Variants in MTHFS observed in about 807,000 individuals in gnomAD.
MTHFS encodes methenyltetrahydrofolate synthetase, also known as 5-formyltetrahydrofolate cyclo-ligase.
A neutral mutation model predicts 12.7 loss-of-function variants in MTHFS; 7 were observed. The ratio of observed to expected loss-of-function variants is 0.55; its 90% CI spans 0.31 to 1.03. MTHFS has a LOEUF of 1.03. MTHFS is among the 50% of genes least tolerant of loss of function. The probability of loss-of-function intolerance (pLI) is 0.05; values close to 1 mark genes in which losing one functional copy is unlikely to be tolerated. For synonymous variants in MTHFS, 100 were observed against 97.1 expected, an observed-to-expected ratio of 1.03 and a Z score of -0.18; for missense variants, 252 against 258.1, an observed-to-expected ratio of 0.98 and a Z score of 0.16.
At chr15:79,883,638 C>T (rs566064559) in intron 2 of MTHFS, among the ~76,000 whole-genome samples, 13 of 152,296 alleles carry the variant, frequency 8.5e-5, no homozygotes, top group Non-Finnish European at 1.3e-4. Context: ...TTAATAACTG[C>T]CATGTATTGA....
chr15:79,877,313 T>G (rs2034215685), intron 2 of MTHFS: 1 of 152,046 alleles, frequency 6.6e-6, no homozygotes, highest in Admixed American at 6.6e-5. Flanking sequence ...AAATTTTTTT[T>G]GAAAAATAAT....
chr15:79,855,684 G>A (rs2033788065), intron 2 of MTHFS, among the ~76,000 whole-genome samples: 2 of 151,936 alleles, frequency 1.3e-5, no homozygotes, highest in African/African-American at 4.8e-5. Context: ...CCATCCTCAA[G>A]GAGGCCTCAG....
intron 1 of MTHFS, among the ~76,000 whole-genome samples, chr15:79,895,172 G>A (rs1400398637): frequency 2.0e-5 from 3 of 152,110 alleles, no homozygotes; most frequent in South Asian, 2.1e-4. Context: ...AAACAATGGC[G>A]CCAGATTCAG....
At chr15:79,879,812 A>C (rs2034266125) in intron 2 of MTHFS, among the ~76,000 whole-genome samples, 1 of 152,192 alleles carries the variant, frequency 6.6e-6, no homozygotes. Flanking sequence ...ATATATACAC[A>C]CAAAACTCTG....
intron 2 of MTHFS, among the ~76,000 whole-genome samples, chr15:79,860,136 T>A (rs2033884820): frequency 6.6e-6 from 1 of 151,910 alleles, no homozygotes; most frequent in South Asian, 2.1e-4. Flanking sequence ...ACGCCTGTAA[T>A]CCTAGCACTT....
chr15:79,889,187 T>C lies in MTHFS; in HGVS notation c.285A>G (p.Ile95Met). ...FQSNHMDMVRIESPEEISLLP... is the reference protein window; with the variant it reads ...FQSNHMDMVRMESPEEISLLP... Reference sequence around the variant, plus strand: ...GTAAAGAAATTTCCTCTGGTGATTCTATTCTCACCATATCCATGTGATTGC... The same window carrying C: ...GTAAAGAAATTTCCTCTGGTGATTCCATTCTCACCATATCCATGTGATTGC... The change falls in exon 2 of 3, where the codon ATA becomes ATG. Residue 95 changes from isoleucine to methionine, a missense_variant. Ile to Met is a conservative substitution (Grantham distance 10). Transcript: ENST00000258874. The C allele has an allele frequency of 6.2e-7, 1 of 1,614,210 alleles. No individual in the cohort carries two copies.
intron 2 of MTHFS, among the ~76,000 whole-genome samples, chr15:79,863,696 C>G (rs1046411403): frequency 6.6e-6 from 1 of 152,190 alleles, no homozygotes; most frequent in African/African-American, 2.4e-5. Flanking sequence ...TCTCCCAACA[C>G]CCTCTCTTTC....
At chr15:79,895,260 C>A (rs895865400) in intron 1 of MTHFS, among the ~76,000 whole-genome samples, 2 of 152,188 alleles carry the variant, frequency 1.3e-5, no homozygotes, top group Non-Finnish European at 2.9e-5. Context: ...ACTCACACTC[C>A]CCTATCCCAT....
chr15:79,889,847 C>T (rs76354551), intron 1 of MTHFS, among the ~76,000 whole-genome samples: 1 of 152,098 alleles, frequency 6.6e-6, no homozygotes, highest in Non-Finnish European at 1.5e-5. Context: ...TAACTTCTGC[C>T]GAACCCTTAC....
intron 2 of MTHFS, among the ~76,000 whole-genome samples, chr15:79,852,280 A>G (rs1320926034): frequency 1.3e-5 from 2 of 152,236 alleles, no homozygotes; most frequent in African/African-American, 4.8e-5. Flanking sequence ...CACTCTTCAT[A>G]TAAAACAGTA....
intron 2 of MTHFS, among the ~76,000 whole-genome samples, chr15:79,873,351 C>T (rs993639944): frequency 6.6e-6 from 1 of 152,166 alleles, no homozygotes; most frequent in Non-Finnish European, 1.5e-5. Context: ...ACCCATGCCT[C>T]TGCAGGGTAT....
chr15:79,884,167 A>G (rs1346869008), intron 2 of MTHFS, among the ~76,000 whole-genome samples: 2 of 152,242 alleles, frequency 1.3e-5, no homozygotes, highest in Admixed American at 1.3e-4. Context: ...TTCCCAAGGT[A>G]ACACAATTAG....
At chr15:79,889,483 G>C (rs1056848023) in intron 1 of MTHFS, 129 bp from the exon 2 acceptor site, 10 of 1,342,594 alleles carry the variant, frequency 7.4e-6, no homozygotes, top group African/African-American at 1.5e-5. Context: ...AAGGGGGGGG[G>C]ACCAGAGTGA....
chr15:79,883,701 A>G (rs1406954538), intron 2 of MTHFS, among the ~76,000 whole-genome samples: 9 of 52,098 alleles, frequency 1.7e-4, no homozygotes. Flanking sequence ...TCACCTTACT[A>G]CCTTACTTTA....
At chr15:79,865,637 C>T (rs1382772776) in intron 2 of MTHFS, among the ~76,000 whole-genome samples, 1 of 152,192 alleles carries the variant, frequency 6.6e-6, no homozygotes, top group East Asian at 1.9e-4. Context: ...AGGAAGACCA[C>T]CTCAGCCCTC....
chr15:79,848,840 C>T (rs769070580), intron 2 of MTHFS, among the ~76,000 whole-genome samples: 8 of 152,142 alleles, frequency 5.3e-5, no homozygotes, highest in Non-Finnish European at 8.8e-5. Context: ...ATAATTTTTC[C>T]AATTCCTCTT....
intron 2 of MTHFS, among the ~76,000 whole-genome samples, chr15:79,849,392 C>A (rs1052471123): frequency 1.3e-5 from 2 of 152,194 alleles, no homozygotes; most frequent in South Asian, 4.1e-4. Flanking sequence ...TCACCCACCC[C>A]ACACACACCC....
chr15:79,888,557 A>G (rs2034418385), intron 2 of MTHFS, among the ~76,000 whole-genome samples: 1 of 152,264 alleles, frequency 6.6e-6, no homozygotes, highest in Admixed American at 6.5e-5. Context: ...CTGCAGTAGT[A>G]GCAGTGGGTT....
intron 2 of MTHFS, among the ~76,000 whole-genome samples, chr15:79,873,092 A>C (rs1220037369): frequency 1.3e-5 from 2 of 152,200 alleles, no homozygotes; most frequent in Non-Finnish European, 2.9e-5. Context: ...TCAGGGCTTC[A>C]GGACCCTTCA....
Sources: allele counts gnomAD v4.1 joint callset (sites outside exome capture counted in the v4.1 genomes callset), GRCh38; gene constraint gnomAD v4.1.1; transcripts MANE v1.5; gene names NCBI Gene and HGNC (gene_info 2026-07-23, HGNC 2026-07-21).